CPS1: variants seen among roughly 807,000 people sequenced by gnomAD.
CPS1 encodes carbamoyl-phosphate synthase 1.
In CPS1, 109 loss-of-function variants were observed where a neutral mutation model predicts 174.6. The ratio of observed to expected loss-of-function variants is 0.62; its 90% CI spans 0.53 to 0.73. The LOEUF (loss-of-function observed/expected upper bound fraction) is 0.73, where lower values mean the gene tolerates loss of function less well. CPS1 is among the 30% of genes least tolerant of loss of function. CPS1 has a pLI of 0.00. For synonymous variants in CPS1, 637 were observed against 632.0 expected (o/e 1.01, Z -0.12); for missense variants, 1,689 against 1,821.9 (o/e 0.93, Z 1.33).
chr2:210,500,886 T>C (rs537421254), intron 1 of CPS1, among the ~76,000 whole-genome samples: 20 of 152,348 alleles, frequency 1.3e-4, no homozygotes, highest in African/African-American at 4.8e-4. Context: ...CACACTGCCC[T>C]AGCAGAGGGT....
chr2:210,506,121 G>A (rs532545584), intron 1 of CPS1, among the ~76,000 whole-genome samples: 3 of 152,170 alleles, frequency 2.0e-5, no homozygotes, highest in Non-Finnish European at 4.4e-5. Context: ...TAGCCTAACT[G>A]GGAGGCACTC....
intron 16 of CPS1, 63 bp downstream of exon 16, chr2:210,602,393 A>G (rs867862853): frequency 1.3e-6 from 2 of 1,573,514 alleles, no homozygotes; most frequent in East Asian, 2.2e-5. Context: ...GACCTTTTCA[A>G]CTAGAGAAAG....
At chr2:210,629,575 A>C (rs1699801418) in intron 21 of CPS1, among the ~76,000 whole-genome samples, 1 of 151,498 alleles carries the variant, frequency 6.6e-6, no homozygotes, top group Non-Finnish European at 1.5e-5. Context: ...TCGGCCTCTC[A>C]AAGTGCTGGG....
chr2:210,575,388 T>C (rs1419557140), intron 2 of CPS1, among the ~76,000 whole-genome samples: 3 of 151,960 alleles, frequency 2.0e-5, no homozygotes, highest in Non-Finnish European at 4.4e-5. Flanking sequence ...GAAAAAAACC[T>C]CAATTGCAGT....
intron 1 of CPS1, among the ~76,000 whole-genome samples, chr2:210,521,505 T>A (rs1574489265): frequency 6.6e-6 from 1 of 151,956 alleles, no homozygotes; most frequent in South Asian, 2.1e-4. Context: ...TTTCACATAG[T>A]TTTCTGTTAA....
At position 210,612,316 on chromosome 2, in the gene CPS1, C is replaced by T. The variant is rs200040094; in HGVS notation, c.2568+23C>T. 1,194 of 1,610,496 alleles carry T rather than the reference C, an allele frequency of 7.4e-4. 4 individuals are homozygous for T. The highest frequency in any genetic ancestry group is 4.3e-3 in the Middle Eastern group (26 of 6,038). On this transcript the variant is annotated intron_variant, in intron 20 of 37. Coordinates refer to ENST00000233072, the MANE Select transcript of CPS1 (RefSeq NM_001875.5). Reference sequence around the variant, plus strand: ...AAGGTAAGATGTTACAAGGGGCCCACAGCTACTAGTTGCTTTTCCAGAATG... The same window carrying T: ...AAGGTAAGATGTTACAAGGGGCCCATAGCTACTAGTTGCTTTTCCAGAATG...
chr2:210,561,942 A>G (rs1697115348), intron 1 of CPS1, among the ~76,000 whole-genome samples: 1 of 152,206 alleles, frequency 6.6e-6, no homozygotes, highest in Admixed American at 6.5e-5. Flanking sequence ...CTACATTATG[A>G]AAGAATTTTA....
chr2:210,537,007 C>T (rs370721529), intron 1 of CPS1, among the ~76,000 whole-genome samples: 13 of 152,154 alleles, frequency 8.5e-5, no homozygotes, highest in Admixed American at 3.3e-4. Flanking sequence ...ATGAACACAC[C>T]AGAAAACCAA....
chr2:210,556,859 G>C lies in CPS1; in HGVS notation c.126G>C (p.Lys42Asn). Reference protein sequence around the residue: ...SRPGIRLLSVKAQTAHIVLED... With the variant: ...SRPGIRLLSVNAQTAHIVLED... ...CTGGCATCAGGCTCCTTTCTGTCAAGGTAATACCCATATTGATTGTTTCTG... is the reference window on the plus strand; with the variant it reads ...CTGGCATCAGGCTCCTTTCTGTCAACGTAATACCCATATTGATTGTTTCTG... The change falls in exon 1 of 38, where the codon AAG (lysine) becomes AAC (asparagine). Residue 42 changes from lysine to asparagine, a missense_variant and splice_region_variant. By Grantham distance (94) the Lys-to-Asn change is moderately conservative (BLOSUM62 0). Coordinates refer to ENST00000233072, the MANE Select transcript of CPS1 (RefSeq NM_001875.5). 1 of 1,612,798 alleles carries C rather than the reference G, an allele frequency of 6.2e-7. No homozygotes were observed. Among genetic ancestry groups the C allele is most frequent in the Non-Finnish European group, 8.5e-7 (1 of 1,179,128 alleles).
At chr2:210,626,905 C>A (rs1291174421) in intron 21 of CPS1, among the ~76,000 whole-genome samples, 1 of 152,116 alleles carries the variant, frequency 6.6e-6, no homozygotes, top group East Asian at 1.9e-4. Flanking sequence ...TGAAAAATAT[C>A]ACTATCCTAT....
At chr2:210,572,406 C>T (rs1056539179) in intron 1 of CPS1, among the ~76,000 whole-genome samples, 3 of 151,942 alleles carry the variant, frequency 2.0e-5, no homozygotes, top group Non-Finnish European at 4.4e-5. Flanking sequence ...TGTATTTTGT[C>T]TCCTAAGGTG....
rs768200874 is a variant in CPS1 at position 210,662,961 on chromosome 2, A to G, written c.3928-162A>G. On this transcript the variant is annotated intron_variant, in intron 32 of 37. Transcript: ENST00000233072. ...ATTCTTGGAATGGAGTTTTAAAGCC[A>G]TCTTTCAAGTCGGATGCTTGGACCC... Among the ~76,000 whole-genome samples, 7 of 151,728 alleles carry G rather than the reference A, an allele frequency of 4.6e-5. 1 individual carries two copies. Among genetic ancestry groups the G allele is most frequent in the African/African-American group, 7.3e-5 (3 of 41,182 alleles).
At chr2:210,643,948 T>C (rs1032970109) in intron 25 of CPS1, among the ~76,000 whole-genome samples, 1 of 152,148 alleles carries the variant, frequency 6.6e-6, no homozygotes, top group African/African-American at 2.4e-5. Context: ...AAACAGGTTC[T>C]TATCTTCAAG....
At chr2:210,635,344 AC>A (rs1424259103) in intron 21 of CPS1, among the ~76,000 whole-genome samples, 1 of 152,284 alleles carries the variant, frequency 6.6e-6, no homozygotes, top group East Asian at 1.9e-4. Context: ...CTCACGTAGC[AC>A]CACATAGCTT....
chr2:210,677,080 T>G lies in CPS1; in HGVS notation c.4348T>G (p.Tyr1450Asp). ...CAACACTAAATTTGTCCATGATAAT[T>G]ATGTGATTCGGAGGACAGCTGTTGA... The part of the protein sequence containing the change: ...NNNTKFVHDN[Y>D]VIRRTAVDSG... The change falls in exon 37 of 38, where the codon TAT (tyrosine) becomes GAT (aspartate). Residue 1450 changes from tyrosine to aspartate, a missense_variant. Physicochemically the swap from Tyr to Asp is radical, Grantham distance 160 (BLOSUM62 -3). Coordinates refer to ENST00000233072, the MANE Select transcript of CPS1 (RefSeq NM_001875.5). 1 of 1,613,782 alleles carries G rather than the reference T, an allele frequency of 6.2e-7. No homozygotes were observed. Among genetic ancestry groups the G allele is most frequent in the South Asian group, 1.1e-5 (1 of 91,076 alleles).
In CPS1 at chr2:210,650,348, C is replaced by T. The variant is rs371048253; in HGVS notation, c.3405-15C>T. 1.2e-6 allele frequency: 2 copies of T among 1,610,690 alleles called. No homozygotes were observed. The highest frequency in any genetic ancestry group is 2.7e-5 in the African/African-American group (2 of 74,780). On this transcript the variant is annotated splice_polypyrimidine_tract_variant and intron_variant, in intron 27 of 37. Coordinates refer to ENST00000233072, the MANE Select transcript of CPS1 (RefSeq NM_001875.5). Reference sequence around the variant, plus strand: ...GCATAAACCTGACCTGCTTTTTTTCCCCTTCCTTTTCCAGTGGGTCTGCTA... The same window carrying T: ...GCATAAACCTGACCTGCTTTTTTTCTCCTTCCTTTTCCAGTGGGTCTGCTA...
At chr2:210,627,154 G>T (rs548520446) in intron 21 of CPS1, among the ~76,000 whole-genome samples, 16 of 152,298 alleles carry the variant, frequency 1.1e-4, no homozygotes, top group South Asian at 1.0e-3. Flanking sequence ...AGGAGACATT[G>T]TGAGGAATTT....
intron 32 of CPS1, among the ~76,000 whole-genome samples, chr2:210,662,214 T>C (rs770613645): frequency 2.0e-5 from 3 of 152,272 alleles, no homozygotes; most frequent in Non-Finnish European, 4.4e-5. Context: ...ATTTTTTAAA[T>C]GCACTGTATC....
chr2:210,521,668 T>A (rs930521906), intron 1 of CPS1, among the ~76,000 whole-genome samples: 1 of 152,014 alleles, frequency 6.6e-6, no homozygotes, highest in Non-Finnish European at 1.5e-5. Context: ...CTCCATAAGT[T>A]TAATGCTTGT....
Sources: gnomAD v4.1 joint callset for allele counts (sites outside exome capture counted in the v4.1 genomes callset) on GRCh38, gnomAD v4.1.1 for gene constraint, MANE v1.5 for transcripts, NCBI Gene and HGNC (gene_info 2026-07-23, HGNC 2026-07-21) for gene names.